GALNTL6: variants seen among roughly 807,000 people sequenced by gnomAD.
GALNTL6 encodes the protein polypeptide N-acetylgalactosaminyltransferase-like 6.
In GALNTL6, 46 loss-of-function variants were observed where a neutral mutation model predicts 73.7. The observed-to-expected ratio is 0.62, with a 90% confidence interval of 0.49 to 0.80. The LOEUF (loss-of-function observed/expected upper bound fraction) is 0.80, where lower values mean the gene tolerates loss of function less well. Ranked by LOEUF, GALNTL6 falls within the 30% of genes least tolerant of loss-of-function variation. GALNTL6 has a pLI of 0.00. For synonymous variants in GALNTL6, 259 were observed against 263.7 expected (o/e 0.98, Z 0.17); for missense variants, 604 against 755.0 (o/e 0.80, Z 2.34).
At chr4:172,429,969 A>G (rs1245323367) in intron 5 of GALNTL6, among the ~76,000 whole-genome samples, 1 of 152,126 alleles carries the variant, frequency 6.6e-6, no homozygotes, top group Non-Finnish European at 1.5e-5. Context: ...AGTTTTCTCA[A>G]TAAGTGAGGT....
At chr4:171,904,172 G>C (rs1262332975) in intron 2 of GALNTL6, among the ~76,000 whole-genome samples, 1 of 152,194 alleles carries the variant, frequency 6.6e-6, no homozygotes, top group Non-Finnish European at 1.5e-5. Context: ...GAGAGAAGAA[G>C]GCTTCAGACG....
chr4:172,624,820 T>C (rs1000863514), intron 5 of GALNTL6, among the ~76,000 whole-genome samples: 1 of 151,808 alleles, frequency 6.6e-6, no homozygotes, highest in Non-Finnish European at 1.5e-5. Context: ...TTATTTCAAC[T>C]TTTATTTTAT....
intron 2 of GALNTL6, among the ~76,000 whole-genome samples, chr4:172,022,920 A>G (rs1360904505): frequency 1.3e-5 from 2 of 152,008 alleles, no homozygotes; most frequent in Non-Finnish European, 2.9e-5. Flanking sequence ...TCTTCTCTGA[A>G]CACTTCAAAC....
chr4:172,628,951 G>A (rs762188220), intron 5 of GALNTL6, among the ~76,000 whole-genome samples: 8 of 151,778 alleles, frequency 5.3e-5, no homozygotes, highest in Non-Finnish European at 1.0e-4. Context: ...CTGAACTGGA[G>A]TGCACACGAT....
intron 5 of GALNTL6, among the ~76,000 whole-genome samples, chr4:172,799,509 G>A (rs1740483858): frequency 6.6e-6 from 1 of 152,128 alleles, no homozygotes. Context: ...AGTGGATTGG[G>A]AAGAGTTATT....
At chr4:173,038,724 T>C (rs1389391730) in intron 12 of GALNTL6, among the ~76,000 whole-genome samples, 3 of 152,184 alleles carry the variant, frequency 2.0e-5, no homozygotes, top group Admixed American at 1.3e-4. Context: ...CTTCATGCAG[T>C]GCTTAACTAT....
At chr4:172,230,530 GA>G (rs1301539093) in intron 3 of GALNTL6, among the ~76,000 whole-genome samples, 1 of 150,466 alleles carries the variant, frequency 6.6e-6, no homozygotes, top group East Asian at 2.0e-4. Context: ...GCAGTGAGCC[GA>G]GATCGCACCA....
At chr4:172,217,495 A>G (rs920152852) in intron 2 of GALNTL6, among the ~76,000 whole-genome samples, 3 of 152,198 alleles carry the variant, frequency 2.0e-5, no homozygotes, top group African/African-American at 7.2e-5. Context: ...GGAAGTTCCT[A>G]TTGACAAATC....
chr4:171,842,935 C>A (rs1269616457), intron 2 of GALNTL6, among the ~76,000 whole-genome samples: 1 of 152,066 alleles, frequency 6.6e-6, no homozygotes, highest in Non-Finnish European at 1.5e-5. Context: ...TTAGTTGTTG[C>A]CTGTTCAACC....
At chr4:172,931,069 T>C (rs1748308766) in intron 8 of GALNTL6, 92 bp from the exon 9 acceptor site, 2 of 768,352 alleles carry the variant, frequency 2.6e-6, no homozygotes, top group African/African-American at 1.7e-5. Flanking sequence ...TAAAGACTTT[T>C]AGAGATTTTA....
At chr4:172,581,866 A>G (rs1244183510) in intron 5 of GALNTL6, among the ~76,000 whole-genome samples, 3 of 152,206 alleles carry the variant, frequency 2.0e-5, no homozygotes, top group African/African-American at 7.2e-5. Flanking sequence ...TGAAGGAGGT[A>G]AAAGTCTTTG....
chr4:171,929,865 G>A (rs779678456), intron 2 of GALNTL6, among the ~76,000 whole-genome samples: 2 of 152,164 alleles, frequency 1.3e-5, no homozygotes, highest in Non-Finnish European at 2.9e-5. Context: ...CCTGGAAAAC[G>A]CGAGACAGAG....
intron 7 of GALNTL6, among the ~76,000 whole-genome samples, chr4:172,823,234 T>C (rs1193763903): frequency 1.3e-5 from 2 of 152,236 alleles, no homozygotes; most frequent in African/African-American, 4.8e-5. Flanking sequence ...CCGAGGCCTA[T>C]ATATTAGCTT....
At chr4:172,776,313 G>C (rs755550604) in intron 5 of GALNTL6, among the ~76,000 whole-genome samples, 1 of 152,180 alleles carries the variant, frequency 6.6e-6, no homozygotes, top group African/African-American at 2.4e-5. Context: ...GAGGCAATCT[G>C]TACTGTGAAA....
At chr4:171,893,337 A>G (rs1736815351) in intron 2 of GALNTL6, among the ~76,000 whole-genome samples, 1 of 152,174 alleles carries the variant, frequency 6.6e-6, no homozygotes, top group African/African-American at 2.4e-5. Flanking sequence ...ACTATGTAAG[A>G]TGGATATTAC....
intron 2 of GALNTL6, among the ~76,000 whole-genome samples, chr4:172,043,621 A>G (rs1218210470): frequency 1.3e-5 from 2 of 152,116 alleles, no homozygotes; most frequent in East Asian, 1.9e-4. Context: ...TGTTAAATAA[A>G]TAGAACAGTT....
At chr4:172,348,174 ATGTG>A (rs1741819077) in intron 4 of GALNTL6, among the ~76,000 whole-genome samples, 2 of 152,208 alleles carry the variant, frequency 1.3e-5, no homozygotes, top group African/African-American at 2.4e-5. Flanking sequence ...AACCTTAATT[ATGTG>A]CTCCATGGAA....
intron 5 of GALNTL6, among the ~76,000 whole-genome samples, chr4:172,613,629 A>G (rs1738613439): frequency 6.6e-6 from 1 of 152,146 alleles, no homozygotes; most frequent in Non-Finnish European, 1.5e-5. Context: ...TTTCAGCAAA[A>G]TGTGTTTTTT....
intron 7 of GALNTL6, among the ~76,000 whole-genome samples, chr4:172,876,661 C>G (rs538119544): frequency 2.6e-5 from 4 of 152,052 alleles, no homozygotes; most frequent in African/African-American, 9.7e-5. Context: ...CATAGAACCT[C>G]GTGACACCAT....
Sources: allele counts gnomAD v4.1 joint callset (sites outside exome capture counted in the v4.1 genomes callset), GRCh38; gene constraint gnomAD v4.1.1; transcripts MANE v1.5; gene names NCBI Gene and HGNC (gene_info 2026-07-23, HGNC 2026-07-21).